The following PHYKPL variants were observed in gnomAD, a reference collection of about 807,000 sequenced individuals.
PHYKPL encodes the protein 5-phosphohydroxy-L-lysine phospho-lyase.
PHYKPL carries 42 observed loss-of-function variants against 51.3 expected under a neutral mutation model. That is an observed-to-expected ratio of 0.82 (90% confidence interval 0.64 to 1.06). PHYKPL has a LOEUF of 1.06. Ranked by LOEUF, PHYKPL falls within the 50% of genes least tolerant of loss-of-function variation. The probability of loss-of-function intolerance (pLI) is 0.00; values close to 1 mark genes in which losing one functional copy is unlikely to be tolerated. For synonymous variants in PHYKPL, 264 were observed against 236.0 expected (o/e 1.12, Z -1.09); for missense variants, 655 against 586.6 (o/e 1.12, Z -1.20).
intron 8 of PHYKPL, among the ~76,000 whole-genome samples, chr5:178,221,510 T>C (rs1014663131): frequency 5.9e-5 from 9 of 152,212 alleles, no homozygotes; most frequent in Non-Finnish European, 1.0e-4. Flanking sequence ...ATGTGTCACA[T>C]GGACAGAGTG....
At chr5:178,228,694 C>G (rs1427660728) in intron 3 of PHYKPL, 3 of 687,326 alleles carry the variant, frequency 4.4e-6, no homozygotes, top group Non-Finnish European at 5.3e-6. Flanking sequence ...TTCAACGCCA[C>G]CACCTACGAT....
Position 178,225,358 on chromosome 5 carries a change from T to TC in PHYKPL, c.409dup (p.Asp137GlyfsTer13), listed in dbSNP as rs774049855. On this transcript the variant is annotated frameshift_variant, in exon 4 of 13. Coordinates refer to ENST00000308158, the MANE Select transcript of PHYKPL (RefSeq NM_153373.4). LOFTEE classifies it high-confidence loss of function. ...TAGGGCTGTGAGTTGCACTTACTGA[T>TC]CTAATACCACCACGTCCTGGTGTCC... 2.1e-5 allele frequency: 34 copies of TC among 1,613,996 alleles called. No homozygotes were observed. The highest frequency in any genetic ancestry group is 2.8e-5 in the Non-Finnish European group (33 of 1,180,024).
At chr5:178,214,379 G>C (rs1165533360) in intron 10 of PHYKPL, among the ~76,000 whole-genome samples, 1 of 152,092 alleles carries the variant, frequency 6.6e-6, no homozygotes, top group East Asian at 1.9e-4. Flanking sequence ...ACCACCTGTC[G>C]TGCGGCATGG....
At chr5:178,225,295 A>C in intron 4 of PHYKPL, 60 bp downstream of exon 4, 1 of 1,593,282 alleles carries the variant, frequency 6.3e-7, no homozygotes, top group African/African-American at 1.3e-5. Context: ...AGTCTCACGG[A>C]TCACCAAGAA....
At chr5:178,210,416 C>A in intron 12 of PHYKPL, 1 of 1,530,420 alleles carries the variant, frequency 6.5e-7, no homozygotes. Context: ...GAGCCTTAGA[C>A]TTCGGGGTCT....
chr5:178,213,079 C>T lies in PHYKPL; in HGVS notation c.1197G>A (p.Leu399=). 1 of 1,614,180 alleles carries T rather than the reference C, an allele frequency of 6.2e-7. No individual in the cohort carries two copies. Among genetic ancestry groups the T allele is most frequent in the Non-Finnish European group, 8.5e-7 (1 of 1,180,010 alleles). ...VSRLKENYVL[L]STDGPGRNIL... is the part of the protein sequence containing the mutation. ...TGTTCCTCCCAGGGCCATCAGTGCT[C>T]AGCAAAACGTAGTTCTCCTTCAGCC... is the stretch of plus-strand genomic sequence containing the variant. The change falls in exon 11 of 13, where the codon CTG becomes CTA. Residue 399 remains leucine, a synonymous_variant. Transcript: ENST00000308158.
At position 178,212,860 on chromosome 5, in the gene PHYKPL, A is replaced by G. The variant is rs539006379; in HGVS notation, c.1303+113T>C. 4.2e-6 allele frequency: 6 copies of G among 1,421,932 alleles called. No homozygotes were observed. In the African/African-American group the frequency reaches 5.7e-5, roughly 13 times the overall value. 88.1% of individuals were successfully genotyped at this position (1,421,932 alleles called of 1,614,324 possible). A position where few individuals can be genotyped will look rare whatever the true frequency, so the allele number is the denominator to read the frequency against. ...TTGCTCCCTGCCCTGTCCAGAGGAC[A>G]TGTGCCTCTGCTCTTGGACTCTTGT... is the stretch of plus-strand genomic sequence containing the variant. On this transcript the variant is annotated intron_variant, in intron 11 of 12. Coordinates refer to ENST00000308158, the MANE Select transcript of PHYKPL (RefSeq NM_153373.4).
chr5:178,219,810 C>A (rs574563747), intron 8 of PHYKPL, among the ~76,000 whole-genome samples: 244 of 152,130 alleles, frequency 1.6e-3, no homozygotes, highest in African/African-American at 5.8e-3. Context: ...AGAGATACTT[C>A]ACGTAATCTG....
At chr5:178,232,356 C>G in intron 1 of PHYKPL, 136 bp downstream of exon 1, 4 of 1,286,358 alleles carry the variant, frequency 3.1e-6, no homozygotes, top group Non-Finnish European at 3.9e-6. Flanking sequence ...GGGGCCGGGG[C>G]AGCGGCCGGA....
At chr5:178,229,020 G>C (rs1288884923) in intron 3 of PHYKPL, among the ~76,000 whole-genome samples, 1 of 151,922 alleles carries the variant, frequency 6.6e-6, no homozygotes, top group Non-Finnish European at 1.5e-5. Context: ...AGTGTGCTGG[G>C]TACCATATCC....
intron 8 of PHYKPL, 140 bp downstream of exon 8, chr5:178,222,215 T>C (rs1761301766): frequency 1.2e-5 from 8 of 688,172 alleles, no homozygotes; most frequent in Non-Finnish European, 1.7e-5. Context: ...GACCTGGCTA[T>C]AATCTCCTTA....
In PHYKPL at chr5:178,225,407, G is replaced by A. The variant is rs1341015285; in HGVS notation, c.361C>T (p.Leu121=). The A allele has an allele frequency of 6.2e-6, 10 of 1,613,988 alleles. No homozygotes were observed. In the Admixed American group the frequency reaches 1.0e-4, roughly 16 times the overall value. Residue 121 remains leucine, a synonymous_variant, in exon 4 of 13, where the codon CTG becomes TTG. Coordinates refer to ENST00000308158, the MANE Select transcript of PHYKPL (RefSeq NM_153373.4). ...NSGSEANDLA[L]RLARHYTGHQ... ...CCCGTGTAGTGGCGAGCCAGCCTCA[G>A]GGCCAGGTCATTGGCTTCTGACCTA...
chr5:178,229,898 C>T (rs750810552), intron 3 of PHYKPL, 42 bp downstream of exon 3: 43 of 1,598,312 alleles, frequency 2.7e-5, no homozygotes, highest in Non-Finnish European at 3.5e-5. Flanking sequence ...GTCTTTGTTA[C>T]CGTCTCACCC....
chr5:178,220,194 CAAAAAA>C (rs34898072), intron 8 of PHYKPL, among the ~76,000 whole-genome samples: 2 of 95,642 alleles, frequency 2.1e-5, no homozygotes, highest in Admixed American at 1.1e-4. Context: ...GACCCCGTTT[CAAAAAA>C]AAAAAAAAAA....
At chr5:178,209,831 T>C (rs942308086) in intron 12 of PHYKPL, among the ~76,000 whole-genome samples, 1 of 152,112 alleles carries the variant, frequency 6.6e-6, no homozygotes, top group Admixed American at 6.5e-5. Flanking sequence ...CTCCAAAGCC[T>C]GAACTGCATC....
Position 178,232,271 on chromosome 5 carries a change from G to A in PHYKPL, c.59+221C>T, listed in dbSNP as rs920238145. On this transcript the variant is annotated intron_variant, in intron 1 of 12. Transcript: ENST00000308158. ...TGGGCGGCCTGGAGACGGCGCTGTCGGGGAGGCGGCCCCGGAGACCACCCG... is the reference window on the plus strand; with the variant it reads ...TGGGCGGCCTGGAGACGGCGCTGTCAGGGAGGCGGCCCCGGAGACCACCCG... The A allele has an allele frequency of 1.8e-5, 22 of 1,237,690 alleles. No individual in the cohort carries two copies. In the African/African-American group the frequency reaches 3.3e-4, roughly 19 times the overall value. 76.7% of individuals were successfully genotyped at this position (1,237,690 alleles called of 1,614,324 possible).
chr5:178,212,755 C>T (rs768888725), intron 11 of PHYKPL, among the ~76,000 whole-genome samples: 6 of 152,254 alleles, frequency 3.9e-5, no homozygotes, highest in Non-Finnish European at 7.3e-5. Flanking sequence ...GGTGGCTCAC[C>T]TTCCACCTCC....
chr5:178,211,599 A>C (rs1581205498), intron 12 of PHYKPL: 1 of 322,846 alleles, frequency 3.1e-6, no homozygotes, highest in East Asian at 6.2e-5. Context: ...GCCCAACTCC[A>C]GGTCTGGTAT....
intron 8 of PHYKPL, among the ~76,000 whole-genome samples, chr5:178,218,216 CAAAAA>C (rs777929826): frequency 2.1e-4 from 12 of 58,286 alleles, no homozygotes; most frequent in East Asian, 1.7e-3. Context: ...AACTCCGTCT[CAAAAA>C]AAAAAAAAAA....
Sources: allele counts gnomAD v4.1 joint callset (sites outside exome capture counted in the v4.1 genomes callset), GRCh38; gene constraint gnomAD v4.1.1; transcripts MANE v1.5; gene names NCBI Gene and HGNC (gene_info 2026-07-23, HGNC 2026-07-21).